CSRNP3: variants seen among roughly 807,000 people sequenced by gnomAD.
CSRNP3 encodes cysteine/serine-rich nuclear protein 3.
Under a neutral mutation model 48.0 loss-of-function variants are expected in CSRNP3, and 12 were observed. The ratio of observed to expected loss-of-function variants is 0.25; its 90% CI spans 0.16 to 0.41. The LOEUF (loss-of-function observed/expected upper bound fraction) is 0.41. CSRNP3 is among the 10% of genes least tolerant of loss of function. The pLI is 1.00. For synonymous variants in CSRNP3, 263 were observed against 269.7 expected, an observed-to-expected ratio of 0.98 and a Z score of 0.24; for missense variants, 580 against 724.4, an observed-to-expected ratio of 0.80 and a Z score of 2.29.
chr2:165,648,715 G>A (rs955619598), intron 4 of CSRNP3, among the ~76,000 whole-genome samples: 3 of 152,176 alleles, frequency 2.0e-5, no homozygotes, highest in Non-Finnish European at 4.4e-5. Flanking sequence ...AAAATAAAAT[G>A]TGTGGATGAA....
At chr2:165,504,703 A>C (rs1289740633) in intron 2 of CSRNP3, among the ~76,000 whole-genome samples, 1 of 152,072 alleles carries the variant, frequency 6.6e-6, no homozygotes, top group African/African-American at 2.4e-5. Flanking sequence ...TTAACCAACT[A>C]TGCTGATTAC....
At chr2:165,513,407 C>T (rs886634465) in intron 2 of CSRNP3, among the ~76,000 whole-genome samples, 1 of 152,032 alleles carries the variant, frequency 6.6e-6, no homozygotes, top group African/African-American at 2.4e-5. Context: ...TGCCAGGCTT[C>T]CAGACAAGCA....
At chr2:165,574,926 G>A (rs1685424617) in intron 3 of CSRNP3, among the ~76,000 whole-genome samples, 1 of 152,042 alleles carries the variant, frequency 6.6e-6, no homozygotes, top group Admixed American at 6.6e-5. Context: ...TTGGTTTTGA[G>A]GGTTTTTGTT....
At chr2:165,500,414 TATATATAC>T in intron 2 of CSRNP3, among the ~76,000 whole-genome samples, 1 of 121,488 alleles carries the variant, frequency 8.2e-6, no homozygotes, top group African/African-American at 3.5e-5. Context: ...TGTATACATA[TATATATAC>T]ACACACACAC....
intron 4 of CSRNP3, among the ~76,000 whole-genome samples, chr2:165,597,236 G>T (rs970545778): frequency 2.6e-5 from 4 of 152,182 alleles, no homozygotes; most frequent in Non-Finnish European, 5.9e-5. Flanking sequence ...CTAAATATAA[G>T]AGTAAAACCA....
chr2:165,640,633 A>G (rs1686707982), intron 4 of CSRNP3, among the ~76,000 whole-genome samples: 1 of 152,206 alleles, frequency 6.6e-6, no homozygotes, highest in Non-Finnish European at 1.5e-5. Flanking sequence ...TGAATAATGT[A>G]GCTAGATTAT....
At position 165,611,381 on chromosome 2, in the gene CSRNP3, A is replaced by G. The variant is rs199896825; in HGVS notation, c.148+16168A>G. ...ACGATATATGTGTGTGTGTGTGTGT[A>G]TATACATACATATATATATGTATAT... is the stretch of plus-strand genomic sequence containing the variant. On this transcript the variant is annotated intron_variant, in intron 4 of 6. Transcript: ENST00000651982. 4.5e-4 allele frequency among the ~76,000 whole-genome samples: 30 copies of G among 66,512 alleles called. 1 individual carries two copies. The highest frequency in any genetic ancestry group is 2.1e-3 in the East Asian group (4 of 1,922). 43.6% of individuals were successfully genotyped at this position (66,512 alleles called of 152,430 possible). A position where few individuals can be genotyped will look rare whatever the true frequency, so the allele number is the denominator to read the frequency against.
intron 2 of CSRNP3, among the ~76,000 whole-genome samples, chr2:165,498,212 AT>A (rs1684307750): frequency 6.6e-6 from 1 of 152,104 alleles, no homozygotes; most frequent in Admixed American, 6.6e-5. Flanking sequence ...TCTTGGTGAC[AT>A]AATGCTGCTT....
At position 165,658,028 on chromosome 2, in the gene CSRNP3, A is replaced by G. The variant is rs770491603; in HGVS notation, c.408+8A>G. The stretch of plus-strand genomic sequence containing the variant: ...AACTCCTTAAAACTAAAGGTAAAAA[A>G]CAAACTCATTTTCTGCAAAGTCTCA... On this transcript the variant is annotated splice_region_variant and intron_variant, in intron 5 of 6. Transcript: ENST00000651982. 6.2e-7 allele frequency: 1 copy of G among 1,602,756 alleles called. No individual in the cohort carries two copies. The highest frequency in any genetic ancestry group is 1.1e-5 in the South Asian group (1 of 90,688).
Position 165,678,983 on chromosome 2 carries a change from C to G in CSRNP3, c.988C>G (p.Leu330Val). Residue 330 changes from leucine to valine, a missense_variant, in exon 7 of 7, where the codon CTG (leucine) becomes GTG (valine). Transcript: ENST00000651982. ...ETEPQAAVLH[L>V]QSAEELDCQG... Reference sequence around the variant, plus strand: ...TGAGCCCCAGGCTGCAGTGCTGCACCTGCAGTCGGCTGAAGAATTAGATTG... The same window carrying G: ...TGAGCCCCAGGCTGCAGTGCTGCACGTGCAGTCGGCTGAAGAATTAGATTG... 6 of 1,613,968 alleles carry G rather than the reference C, an allele frequency of 3.7e-6. No homozygotes were observed. The highest frequency in any genetic ancestry group is 5.1e-6 in the Non-Finnish European group (6 of 1,179,994).
intron 5 of CSRNP3, among the ~76,000 whole-genome samples, chr2:165,661,407 A>G (rs540682923): frequency 7.9e-5 from 12 of 152,190 alleles, no homozygotes; most frequent in Non-Finnish European, 1.5e-4. Context: ...GAGGAAGATC[A>G]TCTGGCCACA....
At chr2:165,522,978 G>A (rs184571250) in intron 3 of CSRNP3, among the ~76,000 whole-genome samples, 20 of 152,144 alleles carry the variant, frequency 1.3e-4, no homozygotes, top group Non-Finnish European at 2.4e-4. Context: ...GACTGTGGTC[G>A]GCCACTATTT....
chr2:165,500,659 T>C (rs895759145), intron 2 of CSRNP3, among the ~76,000 whole-genome samples: 1 of 151,988 alleles, frequency 6.6e-6, no homozygotes, highest in African/African-American at 2.4e-5. Flanking sequence ...GGTTTCACTA[T>C]GTTAGCCAGG....
At chr2:165,506,630 A>G (rs921562036) in intron 2 of CSRNP3, among the ~76,000 whole-genome samples, 12 of 152,026 alleles carry the variant, frequency 7.9e-5, no homozygotes, top group African/African-American at 2.9e-4. Flanking sequence ...GGCGGCATCT[A>G]CCCACTGTTG....
intron 4 of CSRNP3, among the ~76,000 whole-genome samples, chr2:165,606,891 A>C (rs564781199): frequency 2.6e-5 from 4 of 152,204 alleles, no homozygotes; most frequent in Admixed American, 2.0e-4. Flanking sequence ...AATACACAAA[A>C]ATGTGAGGCT....
In CSRNP3 at chr2:165,680,767, T is replaced by G. The variant is rs1424191100; in HGVS notation, c.*1014T>G. ...ATATAGAGGAATCATCCAATGATACTTATGAAGGGAAAATGACCTATTTTC... is the reference window on the plus strand; with the variant it reads ...ATATAGAGGAATCATCCAATGATACGTATGAAGGGAAAATGACCTATTTTC... On this transcript the variant is annotated 3_prime_UTR_variant, in exon 7 of 7. Transcript: ENST00000651982. 6.6e-6 allele frequency: 1 copy of G among 152,162 alleles called. No homozygotes were observed. The highest frequency in any genetic ancestry group is 2.4e-5 in the African/African-American group (1 of 41,454). 9.4% of individuals were successfully genotyped at this position (152,162 alleles called of 1,614,324 possible).
chr2:165,608,934 C>CAAAAAAAAAAAAAAA (rs33952227), intron 4 of CSRNP3, among the ~76,000 whole-genome samples: 2 of 75,590 alleles, frequency 2.6e-5, no homozygotes, highest in African/African-American at 5.6e-5. Context: ...ACTAAAAATA[C>CAAAAAAAAAAAAAAA]AAAAAAAAAA....
chr2:165,539,247 T>C (rs574737165), intron 3 of CSRNP3, among the ~76,000 whole-genome samples: 1 of 152,098 alleles, frequency 6.6e-6, no homozygotes, highest in African/African-American at 2.4e-5. Flanking sequence ...TGTGGCTTCA[T>C]GTAAGTCCAA....
intron 1 of CSRNP3, among the ~76,000 whole-genome samples, chr2:165,481,301 C>T (rs79220360): frequency 0.051 from 7,751 of 152,196 alleles, 316 homozygotes; most frequent in Non-Finnish European, 0.079. Context: ...TGGCAAGATA[C>T]GGTCACTTAA....
Sources: gnomAD v4.1 joint callset for allele counts (sites outside exome capture counted in the v4.1 genomes callset) on GRCh38, gnomAD v4.1.1 for gene constraint, MANE v1.5 for transcripts, NCBI Gene and HGNC (gene_info 2026-07-23, HGNC 2026-07-21) for gene names.